RIC1: variants seen among roughly 807,000 people sequenced by gnomAD.
RIC1 encodes guanine nucleotide exchange factor subunit RIC1.
A neutral mutation model predicts 169.0 loss-of-function variants in RIC1; 88 were observed. The observed-to-expected ratio is 0.52, with a 90% CI of 0.44 to 0.62. The LOEUF is 0.62. Ranked by LOEUF, RIC1 falls within the 20% of genes least tolerant of loss-of-function variation. The pLI is 0.00. For synonymous variants in RIC1, 790 were observed against 601.5 expected, an observed-to-expected ratio of 1.31 and a Z score of -4.59; for missense variants, 1,877 against 1,725.5, an observed-to-expected ratio of 1.09 and a Z score of -1.56.
chr9:5,645,297 C>T (rs1018768290), intron 1 of RIC1, among the ~76,000 whole-genome samples: 7 of 152,080 alleles, frequency 4.6e-5, no homozygotes, highest in Non-Finnish European at 1.0e-4. Flanking sequence ...GGCTATCCTC[C>T]GAAAGTGTTG....
chr9:5,681,735 C>T (rs1276683694), intron 2 of RIC1, among the ~76,000 whole-genome samples: 1 of 152,112 alleles, frequency 6.6e-6, no homozygotes. Context: ...CTAATGGTGA[C>T]AGTGGGGTGT....
At chr9:5,673,266 G>C (rs767090129) in intron 2 of RIC1, among the ~76,000 whole-genome samples, 3 of 151,844 alleles carry the variant, frequency 2.0e-5, no homozygotes, top group Non-Finnish European at 2.9e-5. Context: ...CTTGCAGAAG[G>C]AGAAGTATGA....
chr9:5,764,961 T>C (rs1272147598), intron 19 of RIC1: 3 of 153,420 alleles, frequency 2.0e-5, no homozygotes, highest in African/African-American at 7.2e-5. Flanking sequence ...AGAACTTTAC[T>C]ACTTGCTATT....
intron 1 of RIC1, among the ~76,000 whole-genome samples, chr9:5,631,026 C>G (rs907665498): frequency 7.2e-5 from 11 of 152,154 alleles, no homozygotes; most frequent in Non-Finnish European, 1.5e-4. Flanking sequence ...GCAGACCTAA[C>G]TTAATTTTAA....
At chr9:5,671,311 C>G (rs1261859330) in intron 2 of RIC1, among the ~76,000 whole-genome samples, 1 of 150,802 alleles carries the variant, frequency 6.6e-6, no homozygotes, top group Non-Finnish European at 1.5e-5. Context: ...GCTCTGTCAC[C>G]CAGACTGGAG....
chr9:5,739,526 C>T (rs117723031), intron 8 of RIC1, among the ~76,000 whole-genome samples: 12,378 of 152,150 alleles, frequency 0.081, 777 homozygotes, highest in Non-Finnish European at 0.12. Context: ...TACTCTCAAC[C>T]TCACCTCTAG....
At chr9:5,632,019 G>A (rs1463864736) in intron 1 of RIC1, among the ~76,000 whole-genome samples, 1 of 152,162 alleles carries the variant, frequency 6.6e-6, no homozygotes, top group South Asian at 2.1e-4. Flanking sequence ...ATTTTTGAGA[G>A]GCTGTAGATA....
intron 1 of RIC1, among the ~76,000 whole-genome samples, chr9:5,651,023 G>C (rs1197583282): frequency 6.6e-6 from 1 of 152,130 alleles, no homozygotes; most frequent in Admixed American, 6.5e-5. Context: ...AACTGTTTAG[G>C]TCTCATGCAG....
intron 12 of RIC1, among the ~76,000 whole-genome samples, chr9:5,749,963 G>C (rs1825627235): frequency 6.6e-6 from 1 of 151,624 alleles, no homozygotes; most frequent in Non-Finnish European, 1.5e-5. Flanking sequence ...ATTTTTAGTA[G>C]AGACGGGGTT....
chr9:5,765,581 C>T lies in RIC1; in HGVS notation c.3000+9C>T, dbSNP rs759784345. 4 of 1,613,864 alleles carry T rather than the reference C, an allele frequency of 2.5e-6. No homozygotes were observed. Among genetic ancestry groups the T allele is most frequent in the Non-Finnish European group, 2.5e-6 (3 of 1,179,858 alleles). On this transcript the variant is annotated intron_variant, in intron 20 of 25. Transcript: ENST00000414202. ...CCACACCCACAGCTCAGGTTAGTTGCAAAAGTTACACATCTTCTCTAGGCC... is the reference window on the plus strand; with the variant it reads ...CCACACCCACAGCTCAGGTTAGTTGTAAAAGTTACACATCTTCTCTAGGCC...
At position 5,704,659 on chromosome 9, in the gene RIC1, C is replaced by CA. The variant is rs531183960; in HGVS notation, c.333-9231dup. Among the ~76,000 whole-genome samples, 565 of 152,000 alleles carry CA rather than the reference C, an allele frequency of 3.7e-3. 3 individuals are homozygous for CA. Among genetic ancestry groups the CA allele is most frequent in the African/African-American group, 0.013 (543 of 41,474 alleles). The stretch of plus-strand genomic sequence containing the variant: ...CACTTTCTTGGTAGTGTATTTTGCA[C>CA]AAAAAAGTTTAATTTTGATGAAGTC... On this transcript the variant is annotated intron_variant, in intron 3 of 25. Transcript: ENST00000414202.
intron 7 of RIC1, among the ~76,000 whole-genome samples, chr9:5,735,918 G>C (rs1312074192): frequency 6.6e-6 from 1 of 152,148 alleles, no homozygotes; most frequent in Non-Finnish European, 1.5e-5. Flanking sequence ...GGTGATAATA[G>C]TCATATCTCT....
intron 4 of RIC1, among the ~76,000 whole-genome samples, chr9:5,716,224 A>C (rs1823234133): frequency 6.6e-6 from 1 of 152,196 alleles, no homozygotes; most frequent in African/African-American, 2.4e-5. Flanking sequence ...TAATGAAGTC[A>C]ATGATTGAAG....
At chr9:5,647,396 G>C (rs1015463747) in intron 1 of RIC1, among the ~76,000 whole-genome samples, 1 of 152,182 alleles carries the variant, frequency 6.6e-6, no homozygotes, top group African/African-American at 2.4e-5. Flanking sequence ...AGATTGCTTT[G>C]GGTAGTATTG....
chr9:5,645,282 C>T (rs1025723614), intron 1 of RIC1, among the ~76,000 whole-genome samples: 3 of 152,120 alleles, frequency 2.0e-5, no homozygotes, highest in Middle Eastern at 3.2e-3. Context: ...AAACTCCCAT[C>T]GTCAGGCTAT....
intron 1 of RIC1, among the ~76,000 whole-genome samples, chr9:5,650,155 C>T (rs1485155720): frequency 1.3e-5 from 2 of 152,040 alleles, no homozygotes; most frequent in Non-Finnish European, 2.9e-5. Flanking sequence ...ATTCTTAGGC[C>T]TCCATATGGC....
chr9:5,711,052 T>A (rs1029073719), intron 3 of RIC1, among the ~76,000 whole-genome samples: 1 of 152,300 alleles, frequency 6.6e-6, no homozygotes, highest in East Asian at 1.9e-4. Flanking sequence ...ATCAGTAGAT[T>A]GAACAGGTCT....
Position 5,749,624 on chromosome 9 carries a change from T to C in RIC1, c.1452+2119T>C, listed in dbSNP as rs7869618. 7.8e-3 allele frequency among the ~76,000 whole-genome samples: 1,187 copies of C among 152,268 alleles called. 22 individuals are homozygous for C. The highest frequency in any genetic ancestry group is 0.027 in the African/African-American group (1,142 of 41,534). ...TCATTTAGAGTACTAGCTTTTTGTT[T>C]GTTTGCTTAAACCTGCTACCTTATA... is the stretch of plus-strand genomic sequence containing the variant. On this transcript the variant is annotated intron_variant, in intron 12 of 25. Coordinates refer to ENST00000414202, the MANE Select transcript of RIC1 (RefSeq NM_020829.4).
At chr9:5,753,512 GTTC>G (rs752305404) in intron 13 of RIC1, 21 bp from the exon 14 acceptor site, 1 of 1,427,130 alleles carries the variant, frequency 7.0e-7, no homozygotes, top group Non-Finnish European at 9.7e-7. Flanking sequence ...GCAAGGAAAA[GTTC>G]TTATTTTTTT....
Sources: gnomAD v4.1 joint callset for allele counts (sites outside exome capture counted in the v4.1 genomes callset) on GRCh38, gnomAD v4.1.1 for gene constraint, MANE v1.5 for transcripts, NCBI Gene and HGNC (gene_info 2026-07-23, HGNC 2026-07-21) for gene names.